The following MGST1 variants were observed in gnomAD, a reference collection of about 807,000 sequenced individuals.
MGST1 encodes the protein glutathione S-transferase 12.
Under a neutral mutation model 8.9 loss-of-function variants are expected in MGST1, and 5 were observed. The observed-to-expected ratio is 0.56, with a 90% CI of 0.29 to 1.19. The LOEUF (loss-of-function observed/expected upper bound fraction) is 1.19, where lower values mean the gene tolerates loss of function less well. Ranked by LOEUF, MGST1 falls within the 50% of genes most tolerant of loss-of-function variation. MGST1 has a pLI of 0.08. For synonymous variants in MGST1, 54 were observed against 67.8 expected (o/e 0.80, Z 1.00); for missense variants, 182 against 187.4 (o/e 0.97, Z 0.17).
intron 1 of MGST1, among the ~76,000 whole-genome samples, chr12:16,409,230 T>G (rs566701748): frequency 6.6e-6 from 1 of 152,204 alleles, no homozygotes; most frequent in East Asian, 1.9e-4. Flanking sequence ...TTTGTGAGAG[T>G]TATCTGAGGT....
At chr12:16,572,777 A>G (rs1316818029) in intron 4 of MGST1, among the ~76,000 whole-genome samples, 1 of 150,576 alleles carries the variant, frequency 6.6e-6, no homozygotes, top group African/African-American at 2.4e-5. Context: ...TTTGTAAAAA[A>G]CAGAGACCAA....
At chr12:16,444,914 G>T (rs1941067326) in intron 4 of MGST1, among the ~76,000 whole-genome samples, 1 of 151,852 alleles carries the variant, frequency 6.6e-6, no homozygotes, top group African/African-American at 2.4e-5. Flanking sequence ...GTTTTTCTAA[G>T]GGCATATAGT....
chr12:16,438,264 A>T (rs1941005671), exon 2 of MGST1: 1 of 151,942 alleles, frequency 6.6e-6, no homozygotes, highest in South Asian at 2.1e-4. Flanking sequence ...GGAGAGGAGG[A>T]CAAAAGTAAA....
chr12:16,408,505 AT>A (rs1255997169), intron 1 of MGST1, among the ~76,000 whole-genome samples: 1 of 152,114 alleles, frequency 6.6e-6, no homozygotes, highest in Non-Finnish European at 1.5e-5. Context: ...ACTTCCATTA[AT>A]TTTGTTGGGA....
At chr12:16,356,155 A>G (rs1939706042) in intron 2 of MGST1, among the ~76,000 whole-genome samples, 1 of 152,212 alleles carries the variant, frequency 6.6e-6, no homozygotes, top group South Asian at 2.1e-4. Flanking sequence ...TATCACATCG[A>G]AGATTAGGCT....
intron 4 of MGST1, among the ~76,000 whole-genome samples, chr12:16,449,291 A>G (rs887916663): frequency 2.0e-5 from 3 of 151,912 alleles, no homozygotes; most frequent in African/African-American, 7.2e-5. Context: ...CAAGAGCAAG[A>G]GTAGAGAGGT....
chr12:16,375,192 T>C (rs1390616198), intron 3 of MGST1, among the ~76,000 whole-genome samples: 3 of 152,250 alleles, frequency 2.0e-5, no homozygotes, highest in African/African-American at 7.2e-5. Flanking sequence ...GTTCTTATGT[T>C]TTAAAATCAA....
At chr12:16,532,320 C>T (rs544013581) in intron 4 of MGST1, among the ~76,000 whole-genome samples, 3 of 152,170 alleles carry the variant, frequency 2.0e-5, no homozygotes, top group Admixed American at 6.5e-5. Flanking sequence ...CAAGGCCAGT[C>T]CTGCTAAGTT....
Position 16,544,371 on chromosome 12 carries a change from A to T in MGST1, n.483-45157A>T. Among the ~76,000 whole-genome samples the T allele has an allele frequency of 6.6e-6, 1 of 151,992 alleles. No homozygotes were observed. Among genetic ancestry groups the T allele is most frequent in the East Asian group, 1.9e-4 (1 of 5,186 alleles). ...AAGAGTTAATGTTAATGCATACAAAAGAGTTGTCATACAAAAGAGAAAAAG... is the reference window on the plus strand; with the variant it reads ...AAGAGTTAATGTTAATGCATACAAATGAGTTGTCATACAAAAGAGAAAAAG... On this transcript the variant is annotated intron_variant and non_coding_transcript_variant, in intron 4 of 4. Coordinates refer to the MGST1 transcript ENST00000538857. This position sits in a 1 kb window ranked among gnomAD's most constrained non-coding sequence, Gnocchi z 4.8.
At chr12:16,470,024 T>C (rs1397453389) in intron 4 of MGST1, among the ~76,000 whole-genome samples, 1 of 152,218 alleles carries the variant, frequency 6.6e-6, no homozygotes, top group African/African-American at 2.4e-5. Context: ...GAATTGATTG[T>C]TCAGAATATA....
intron 1 of MGST1, among the ~76,000 whole-genome samples, chr12:16,426,291 G>T (rs998661808): frequency 6.6e-6 from 1 of 152,078 alleles, no homozygotes; most frequent in Non-Finnish European, 1.5e-5. Context: ...CTGTGGTTTT[G>T]TAACAACTGT....
intron 1 of MGST1, among the ~76,000 whole-genome samples, chr12:16,414,778 T>G (rs533567474): frequency 6.6e-6 from 1 of 152,220 alleles, no homozygotes; most frequent in East Asian, 1.9e-4. Flanking sequence ...ATCCAAGCAC[T>G]TTGGGAGGGC....
At chr12:16,477,666 A>G (rs1941333215) in intron 4 of MGST1, among the ~76,000 whole-genome samples, 1 of 152,230 alleles carries the variant, frequency 6.6e-6, no homozygotes, top group Non-Finnish European at 1.5e-5. Flanking sequence ...CTCAGCTATC[A>G]GTTGAGGTCA....
chr12:16,501,897 T>C (rs1231222332), intron 4 of MGST1, among the ~76,000 whole-genome samples: 1 of 152,174 alleles, frequency 6.6e-6, no homozygotes, highest in East Asian at 1.9e-4. Context: ...TTTAAATTAT[T>C]CTAAAATGTA....
chr12:16,468,023 A>T (rs975803886), intron 4 of MGST1, among the ~76,000 whole-genome samples: 4 of 152,176 alleles, frequency 2.6e-5, no homozygotes, highest in Non-Finnish European at 5.9e-5. Context: ...TTAATTCAAA[A>T]TTAGGGAAAA....
chr12:16,592,499 T>G (rs1943524914), downstream of MGST1, among the ~76,000 whole-genome samples: 1 of 152,032 alleles, frequency 6.6e-6, no homozygotes, highest in Admixed American at 6.6e-5. Flanking sequence ...GCATCTCACC[T>G]GTAAAATGCA....
At chr12:16,418,826 T>C (rs989978931) in intron 1 of MGST1, among the ~76,000 whole-genome samples, 4 of 152,160 alleles carry the variant, frequency 2.6e-5, no homozygotes, top group African/African-American at 9.7e-5. Flanking sequence ...CAGTCCATAG[T>C]GAGTGCTCAA....
chr12:16,483,834 C>A (rs546006366), intron 4 of MGST1, among the ~76,000 whole-genome samples: 40 of 152,240 alleles, frequency 2.6e-4, no homozygotes, highest in African/African-American at 9.4e-4. Context: ...AATTTTCCTG[C>A]TGGATCCAAT....
intron 1 of MGST1, chr12:16,400,845 T>G: frequency 8.3e-7 from 1 of 1,201,382 alleles, no homozygotes; most frequent in Non-Finnish European, 1.2e-6. Context: ...TAGATCTTCA[T>G]TTCCCCAATA....
Sources: allele counts gnomAD v4.1 joint callset (sites outside exome capture counted in the v4.1 genomes callset), GRCh38; gene constraint gnomAD v4.1.1; non-coding constraint Gnocchi (gnomAD v3.1); transcripts MANE v1.5; gene names NCBI Gene and HGNC (gene_info 2026-07-23, HGNC 2026-07-21).